The following CSF2RB variants were observed in gnomAD, a reference collection of about 807,000 sequenced individuals.
The protein encoded by CSF2RB is cytokine receptor common subunit beta.
CSF2RB carries 22 observed loss-of-function variants against 67.2 expected under a neutral mutation model. That is an observed-to-expected ratio of 0.33 (90% confidence interval 0.23 to 0.47). The LOEUF is 0.47. Among genes scored for constraint, CSF2RB ranks in the 20% least tolerant of loss-of-function variants. The pLI is 1.00. For synonymous variants in CSF2RB, 507 were observed against 482.9 expected (o/e 1.05, Z -0.65); for missense variants, 1,113 against 1,174.5 (o/e 0.95, Z 0.76).
chr22:36,937,607 G>T lies in CSF2RB; in HGVS notation c.1799G>T (p.Arg600Leu), dbSNP rs41283223. ...NGPYLGPPHSRSLPDILGQPE... is the reference protein window; with the variant it reads ...NGPYLGPPHSLSLPDILGQPE... ...CCCTACCTGGGGCCGCCCCACAGCC[G>T]CTCCCTACCTGACATCCTGGGCCAG... is the stretch of plus-strand genomic sequence containing the variant. The change falls in exon 14 of 14, where the codon CGC (arginine) becomes CTC (leucine). Residue 600 changes from arginine to leucine, a missense_variant. Arg to Leu is a moderately radical substitution (Grantham distance 102, BLOSUM62 -2). This residue lies in a region of CSF2RB where 554 missense variants were observed against 517.9 expected (regional missense o/e 1.07). Coordinates refer to ENST00000403662, the MANE Select transcript of CSF2RB (RefSeq NM_000395.3). This position sits in a 1 kb window ranked among gnomAD's most constrained non-coding sequence, Gnocchi z 4.6. The T allele has an allele frequency of 5.7e-6, 9 of 1,579,520 alleles. No individual in the cohort carries two copies. The highest frequency in any genetic ancestry group is 3.3e-4 in the Middle Eastern group (2 of 6,008).
At chr22:36,932,988 C>T (rs1569137396) in intron 9 of CSF2RB, 84 bp downstream of exon 9, 20 of 1,557,124 alleles carry the variant, frequency 1.3e-5, no homozygotes, top group Admixed American at 1.8e-5. Context: ...ACCTGCAAGG[C>T]GTCGGGCCCT....
chr22:36,935,821 T>G (rs962436956), intron 12 of CSF2RB, 134 bp downstream of exon 12: 2 of 993,294 alleles, frequency 2.0e-6, no homozygotes, highest in African/African-American at 1.6e-5. Context: ...TTGGGAGCTT[T>G]GGGAGTGGGG....
At chr22:36,924,334 A>G (rs959661716) in intron 3 of CSF2RB, among the ~76,000 whole-genome samples, 3 of 150,086 alleles carry the variant, frequency 2.0e-5, no homozygotes, top group African/African-American at 7.4e-5. Flanking sequence ...GAGGCCTGAG[A>G]CACGATGCTG....
rs964253635 is a variant in CSF2RB, at chr22:36,939,131, T to C, written c.*629T>C. 3 of 701,128 alleles carry C rather than the reference T, an allele frequency of 4.3e-6. No individual in the cohort carries two copies. In the African/African-American group the frequency reaches 5.3e-5, roughly 12 times the overall value. 43.4% of individuals were successfully genotyped at this position (701,128 alleles called of 1,614,324 possible). A position where few individuals can be genotyped will look rare whatever the true frequency, so the allele number is the denominator to read the frequency against. On this transcript the variant is annotated 3_prime_UTR_variant, in exon 14 of 14. Transcript: ENST00000403662. ...CGAGAAATGGGCATGGTATTGGGGG[T>C]CGGGGGGGCGGTGCAAGGGACGCAC...
At chr22:36,931,040 C>A (rs1421049837) in intron 8 of CSF2RB, among the ~76,000 whole-genome samples, 1 of 152,226 alleles carries the variant, frequency 6.6e-6, no homozygotes, top group East Asian at 1.9e-4. Flanking sequence ...AACCTCTGAT[C>A]TCTTGTCCTT....
At chr22:36,934,072 G>A in intron 10 of CSF2RB, 78 bp downstream of exon 10, 1 of 1,558,394 alleles carries the variant, frequency 6.4e-7, no homozygotes, top group South Asian at 1.1e-5. Flanking sequence ...CCCCAATGCA[G>A]CAGCCGTAGC....
intron 3 of CSF2RB, chr22:36,923,829 G>C (rs1191692349): frequency 7.9e-7 from 1 of 1,272,968 alleles, no homozygotes; most frequent in East Asian, 5.6e-5. Context: ...TGAGGTGCCA[G>C]CCCTGGCCAC....
At position 36,938,040 on chromosome 22, in the gene CSF2RB, A is replaced by C. The variant is rs1417410121; in HGVS notation, c.2232A>C (p.Leu744Phe). ...LGLPSDQTPS[L>F]CPGLASGPPG... is the part of the protein sequence containing the mutation. The stretch of plus-strand genomic sequence containing the variant: ...TCCCCTCAGACCAGACCCCCAGCTT[A>C]TGTCCTGGGCTGGCCAGTGGACCCC... Residue 744 changes from leucine (L) to phenylalanine (F), a missense_variant, in exon 14 of 14, where the codon TTA becomes TTC. By Grantham distance (22) the Leu-to-Phe change is conservative (BLOSUM62 0). Around this residue, in one of 2 missense-constraint regions of CSF2RB, gnomAD observed 554 missense variants for 517.9 expected, o/e 1.07. Transcript: ENST00000403662. The C allele has an allele frequency of 1.1e-5, 18 of 1,613,822 alleles. No individual in the cohort carries two copies. Among genetic ancestry groups the C allele is most frequent in the Middle Eastern group, 1.6e-4 (1 of 6,082 alleles).
At chr22:36,928,019 G>A (rs1483533344) in intron 4 of CSF2RB, among the ~76,000 whole-genome samples, 1 of 152,198 alleles carries the variant, frequency 6.6e-6, no homozygotes, top group Non-Finnish European at 1.5e-5. Context: ...GGTTTCTAAG[G>A]CGATGGAGAC....
chr22:36,914,624 T>A (rs796217475), intron 1 of CSF2RB, among the ~76,000 whole-genome samples: 7 of 152,274 alleles, frequency 4.6e-5, no homozygotes, highest in African/African-American at 1.4e-4. Context: ...ACTGGGACCT[T>A]GTCAGACAGG....
chr22:36,914,749 T>C (rs1940680740), intron 1 of CSF2RB, among the ~76,000 whole-genome samples: 1 of 152,236 alleles, frequency 6.6e-6, no homozygotes, highest in Admixed American at 6.5e-5. Flanking sequence ...TGTAATCATT[T>C]TATAATGAGT....
At chr22:36,929,146 G>A (rs533539342) in intron 4 of CSF2RB, among the ~76,000 whole-genome samples, 1 of 152,302 alleles carries the variant, frequency 6.6e-6, no homozygotes, top group Admixed American at 6.5e-5. Flanking sequence ...GAGTTTCCTC[G>A]CCAGCGCTTT....
chr22:36,935,518 A>T (rs1005163065), intron 11 of CSF2RB, 77 bp downstream of exon 11: 2 of 1,603,618 alleles, frequency 1.2e-6, no homozygotes, highest in African/African-American at 2.7e-5. Context: ...AGCTCCCTCC[A>T]GGCCCTGCTC....
Position 36,933,958 on chromosome 22 carries a change from G to A in CSF2RB, c.1279G>A (p.Glu427Lys), listed in dbSNP as rs201912719. The A allele has an allele frequency of 4.5e-5, 72 of 1,612,860 alleles. No individual in the cohort carries two copies. Among genetic ancestry groups the A allele is most frequent in the East Asian group, 4.5e-5 (2 of 44,872 alleles). ...CACCGGCTACAACGGGATCTGGAGC[G>A]AGTGGAGTGAGGCGCGCTCCTGGGA... ...SRTGYNGIWS[E>K]WSEARSWDTE... Residue 427 changes from glutamate (E) to lysine (K), a missense_variant, in exon 10 of 14, where the codon GAG (glutamate) becomes AAG (lysine). Transcript: ENST00000403662.
chr22:36,927,339 G>A (rs1002247714), intron 4 of CSF2RB, among the ~76,000 whole-genome samples: 8 of 152,308 alleles, frequency 5.3e-5, no homozygotes, highest in South Asian at 2.1e-4. Context: ...GCCGTCCACC[G>A]TGAGAACTTA....
Position 36,933,992 on chromosome 22 carries a change from C to T in CSF2RB, c.1313C>T (p.Ser438Leu), listed in dbSNP as rs576392209. 2.4e-5 allele frequency: 38 copies of T among 1,612,198 alleles called. No homozygotes were observed. The East Asian group carries it at 4.5e-4, about 19-fold the overall frequency. The change falls in exon 10 of 14, where the codon TCG (serine) becomes TTG (leucine). Residue 438 changes from serine (S) to leucine (L), a missense_variant and splice_region_variant. By Grantham distance (145) the Ser-to-Leu change is moderately radical. Coordinates refer to ENST00000403662, the MANE Select transcript of CSF2RB (RefSeq NM_000395.3). ...GAGGCGCGCTCCTGGGACACCGAGT[C>T]GGGTAGGTGAAGGCTGGAGTCCAGA... Reference protein sequence around the residue: ...WSEARSWDTESVLPMWVLALI... With the variant: ...WSEARSWDTELVLPMWVLALI...
chr22:36,925,381 C>T (rs543207468), intron 3 of CSF2RB, among the ~76,000 whole-genome samples: 4 of 152,292 alleles, frequency 2.6e-5, no homozygotes, highest in East Asian at 3.9e-4. Context: ...TCAGTCTATT[C>T]GCAACCGAGG....
At chr22:36,935,544 G>A in intron 11 of CSF2RB, 86 bp from the exon 12 acceptor site, 1 of 1,608,260 alleles carries the variant, frequency 6.2e-7, no homozygotes, top group Non-Finnish European at 8.5e-7. Flanking sequence ...CTCCCTTCCT[G>A]GGCCTCAGTT....
Position 36,938,138 on chromosome 22 carries a change from C to A in CSF2RB, c.2330C>A (p.Pro777His). Reference sequence around the variant, plus strand: ...CTCCCTCCAATTGAGGGCCGGTCCCCCAGGTCACCAAGGAACAATCCTGTC... The same window carrying A: ...CTCCCTCCAATTGAGGGCCGGTCCCACAGGTCACCAAGGAACAATCCTGTC... ...VELPPIEGRS[P>H]RSPRNNPVPP... is the part of the protein sequence containing the mutation. The change falls in exon 14 of 14, where the codon CCC becomes CAC. Residue 777 changes from proline (P) to histidine (H), a missense_variant. By Grantham distance (77) the Pro-to-His change is moderately conservative. This residue lies in a region of CSF2RB where 554 missense variants were observed against 517.9 expected (regional missense o/e 1.07). Coordinates refer to ENST00000403662, the MANE Select transcript of CSF2RB (RefSeq NM_000395.3). The A allele has an allele frequency of 1.2e-6, 2 of 1,614,106 alleles. No individual in the cohort carries two copies. Among genetic ancestry groups the A allele is most frequent in the Non-Finnish European group, 1.7e-6 (2 of 1,179,990 alleles).
Sources: allele counts gnomAD v4.1 joint callset (sites outside exome capture counted in the v4.1 genomes callset), GRCh38; gene constraint gnomAD v4.1.1; regional missense constraint gnomAD v4.1.1; non-coding constraint Gnocchi (gnomAD v3.1); transcripts MANE v1.5; gene names NCBI Gene and HGNC (gene_info 2026-07-23, HGNC 2026-07-21).